Variants in SLC6A17 observed in about 807,000 individuals in gnomAD.
SLC6A17 encodes the protein sodium-dependent neutral amino acid transporter SLC6A17.
A neutral mutation model predicts 64.5 loss-of-function variants in SLC6A17; 21 were observed. That is an observed-to-expected ratio of 0.33 (90% CI 0.23 to 0.47). The LOEUF (loss-of-function observed/expected upper bound fraction) is 0.47, where lower values mean the gene tolerates loss of function less well. SLC6A17 is among the 20% of genes least tolerant of loss of function. The pLI, the probability that SLC6A17 is intolerant of heterozygous loss-of-function variation, is 1.00. For synonymous variants in SLC6A17, 372 were observed against 399.5 expected (o/e 0.93, Z 0.82); for missense variants, 682 against 963.2 (o/e 0.71, Z 3.86).
At chr1:110,159,720 C>G (rs528455448) in intron 1 of SLC6A17, among the ~76,000 whole-genome samples, 3 of 152,310 alleles carry the variant, frequency 2.0e-5, no homozygotes, top group African/African-American at 7.2e-5. Flanking sequence ...GATGGCCAGG[C>G]TTCTTAGTGT....
chr1:110,165,274 C>G (rs559145603), intron 1 of SLC6A17, among the ~76,000 whole-genome samples: 181 of 152,236 alleles, frequency 1.2e-3, no homozygotes, highest in Admixed American at 3.5e-3. Flanking sequence ...GGGGGAGGCC[C>G]AGGGCTGAAA....
chr1:110,183,815 G>A (rs377350848), intron 6 of SLC6A17, among the ~76,000 whole-genome samples: 7 of 152,158 alleles, frequency 4.6e-5, no homozygotes, highest in East Asian at 1.9e-4. Flanking sequence ...GTCATTTTTC[G>A]CAGTGAAGTA....
rs571907418 is a variant in SLC6A17, at chr1:110,186,664, G to GTCTC, written c.865-5293_865-5290dup. Among the ~76,000 whole-genome samples, 338 of 112,096 alleles carry GTCTC rather than the reference G, an allele frequency of 3.0e-3. 1 individual carries two copies. The highest frequency in any genetic ancestry group is 8.8e-3 in the African/African-American group (294 of 33,390). 73.5% of individuals were successfully genotyped at this position (112,096 alleles called of 152,430 possible). On this transcript the variant is annotated intron_variant, in intron 6 of 11. Coordinates refer to ENST00000331565, the MANE Select transcript of SLC6A17 (RefSeq NM_001010898.4). ...ATAGAAAAAGGTCAGCTTTTGTCTA[G>GTCTC]TCTCTCTCTCTCTCTCTCGCTCCCG...
intron 6 of SLC6A17, among the ~76,000 whole-genome samples, chr1:110,187,485 C>T (rs553063216): frequency 2.0e-4 from 31 of 152,348 alleles, no homozygotes; most frequent in African/African-American, 7.2e-4. Flanking sequence ...GTTTACACCT[C>T]CACTTCTTAC....
At chr1:110,183,237 A>T (rs943151849) in intron 6 of SLC6A17, among the ~76,000 whole-genome samples, 2 of 152,260 alleles carry the variant, frequency 1.3e-5, no homozygotes, top group Admixed American at 1.3e-4. Flanking sequence ...TCAACTGATG[A>T]ATAAATTTTT....
At chr1:110,164,635 G>A (rs750099239) in intron 1 of SLC6A17, among the ~76,000 whole-genome samples, 6 of 152,230 alleles carry the variant, frequency 3.9e-5, no homozygotes, top group Admixed American at 1.3e-4. Flanking sequence ...TGCGCATGGC[G>A]TCAGTGACAT....
chr1:110,172,189 TG>T lies in SLC6A17; in HGVS notation c.422del (p.Gly141AlafsTer8). 1.9e-6 allele frequency: 3 copies of T among 1,604,292 alleles called. No individual in the cohort carries two copies. The highest frequency in any genetic ancestry group is 1.7e-5 in the Admixed American group (1 of 58,586). On this transcript the variant is annotated frameshift_variant, in exon 3 of 12. Coordinates refer to ENST00000331565, the MANE Select transcript of SLC6A17 (RefSeq NM_001010898.4). LOFTEE classifies it high-confidence loss of function. ...IGVWHYICPR[L>X]GGIGFSSCIV... is the part of the protein sequence containing the mutation. ...GTGTGGCACTATATATGTCCCCGCC[TG>T]GGGGGCATCGGCTTCTCCAGCTGCA...
Position 110,192,349 on chromosome 1 carries a change from C to A in SLC6A17, c.1106+136C>A. The A allele has an allele frequency of 6.8e-7, 1 of 1,460,686 alleles. No homozygotes were observed. The highest frequency in any genetic ancestry group is 1.3e-5 in the South Asian group (1 of 74,698). The allele number at this position is 1,460,686 out of a possible 1,614,324, so 90.5% of individuals were successfully genotyped here. The stretch of plus-strand genomic sequence containing the variant: ...CTGAGGAATGGAGATCAGAGGAGCA[C>A]TCTCTGTCCCCAGCTCCGGGCCACA... On this transcript the variant is annotated intron_variant, in intron 7 of 11. Coordinates refer to ENST00000331565, the MANE Select transcript of SLC6A17 (RefSeq NM_001010898.4). This position sits in a 1 kb window ranked among gnomAD's most constrained non-coding sequence, Gnocchi z 4.3.
rs1461265172 is a variant in SLC6A17, at chr1:110,174,092, C to T, written c.564C>T (p.Ser188=). The change falls in exon 4 of 12, where the codon AGC becomes AGT. Residue 188 remains serine, a synonymous_variant. Coordinates refer to ENST00000331565, the MANE Select transcript of SLC6A17 (RefSeq NM_001010898.4). ...AATGTCCTGTCGTCAGGAATGGGAG[C>T]GTGGCAGGCAAGTATGGGGCCCAGC... ...WSECPVVRNG[S]VAVVEAECEK... 6.2e-6 allele frequency: 10 copies of T among 1,613,934 alleles called. No homozygotes were observed. The highest frequency in any genetic ancestry group is 4.0e-5 in the African/African-American group (3 of 75,040).
rs530309447 is a variant in SLC6A17, at chr1:110,174,723, G to T, written c.572-56G>T. On this transcript the variant is annotated intron_variant, in intron 4 of 11. Transcript: ENST00000331565. ...TGCCCTGAGTGGTGGTCCAGCAGAG[G>T]AAGTGACCCCATAGGCCCTGCCACT... 5.6e-5 allele frequency: 89 copies of T among 1,583,784 alleles called. No homozygotes were observed. The African/African-American group carries it at 1.0e-3, about 18-fold the overall frequency.
In SLC6A17 at chr1:110,176,730, C is replaced by A; in HGVS notation, c.855C>A (p.Phe285Leu). The change falls in exon 6 of 12, where the codon TTC becomes TTA. Residue 285 changes from phenylalanine (F) to leucine (L), a missense_variant. Phe to Leu is a conservative substitution (Grantham distance 22). Transcript: ENST00000331565. ...RGAVDGILHM[F>L]TPKLDKMLDP... ...CAGTTGATGGCATCCTACACATGTT[C>A]ACTCCCAAGGTAAGGGTTTGGGGCT... 6.2e-7 allele frequency: 1 copy of A among 1,613,442 alleles called. No individual in the cohort carries two copies. The highest frequency in any genetic ancestry group is 8.5e-7 in the Non-Finnish European group (1 of 1,179,590).
intron 2 of SLC6A17, among the ~76,000 whole-genome samples, chr1:110,169,314 CT>C: frequency 6.6e-6 from 1 of 152,288 alleles, no homozygotes; most frequent in East Asian, 1.9e-4. Flanking sequence ...GGGTAAGCCA[CT>C]CATTCAATCT....
At chr1:110,185,512 A>G (rs1656662095) in intron 6 of SLC6A17, among the ~76,000 whole-genome samples, 1 of 152,232 alleles carries the variant, frequency 6.6e-6, no homozygotes, top group African/African-American at 2.4e-5. Context: ...CACGAGTCAA[A>G]CGCCTTGATA....
rs1358118092 is a variant in SLC6A17 at position 110,170,020 on chromosome 1, T to C, written c.287-2040T>C. ...ATGGTGAGGGGCCAGTACCTTGTCTTTGCTCTCCCACCCCTGTCACTCTTT... is the reference window on the plus strand; with the variant it reads ...ATGGTGAGGGGCCAGTACCTTGTCTCTGCTCTCCCACCCCTGTCACTCTTT... On this transcript the variant is annotated intron_variant, in intron 2 of 11. Coordinates refer to ENST00000331565, the MANE Select transcript of SLC6A17 (RefSeq NM_001010898.4). 2.0e-5 allele frequency among the ~76,000 whole-genome samples: 3 copies of C among 152,080 alleles called. No individual in the cohort carries two copies. The East Asian group carries it at 5.8e-4, about 29-fold the overall frequency.
intron 2 of SLC6A17, among the ~76,000 whole-genome samples, chr1:110,168,963 A>G (rs897485386): frequency 3.3e-5 from 5 of 152,186 alleles, no homozygotes; most frequent in African/African-American, 7.2e-5. Context: ...TCCTTTTTCT[A>G]TCTTCTCTGA....
intron 5 of SLC6A17, among the ~76,000 whole-genome samples, chr1:110,175,655 G>A (rs1656355346): frequency 6.6e-6 from 1 of 152,210 alleles, no homozygotes; most frequent in Non-Finnish European, 1.5e-5. Flanking sequence ...ACATCACGCA[G>A]CCAGTCAGTC....
intron 1 of SLC6A17, among the ~76,000 whole-genome samples, chr1:110,156,653 G>A (rs1289269686): frequency 6.6e-6 from 1 of 152,160 alleles, no homozygotes; most frequent in Non-Finnish European, 1.5e-5. Context: ...AAGTTGTTGG[G>A]AGGATAAATA....
intron 6 of SLC6A17, among the ~76,000 whole-genome samples, chr1:110,183,750 G>A (rs1385477682): frequency 2.6e-5 from 4 of 152,272 alleles, no homozygotes; most frequent in South Asian, 2.1e-4. Context: ...GCTGGGCCAC[G>A]GCGCATGGAC....
At chr1:110,184,027 A>G (rs1461371811) in intron 6 of SLC6A17, among the ~76,000 whole-genome samples, 1 of 152,116 alleles carries the variant, frequency 6.6e-6, no homozygotes, top group Non-Finnish European at 1.5e-5. Flanking sequence ...CAACTCCAAG[A>G]TAGACAGTTT....
Sources: gnomAD v4.1 joint callset for allele counts (sites outside exome capture counted in the v4.1 genomes callset) on GRCh38, gnomAD v4.1.1 for gene constraint, Gnocchi (gnomAD v3.1) non-coding constraint, MANE v1.5 for transcripts, NCBI Gene and HGNC (gene_info 2026-07-23, HGNC 2026-07-21) for gene names.